Variants in MYBPC1 observed in about 807,000 individuals in gnomAD.
The protein encoded by MYBPC1 is myosin-binding protein C, slow-type.
Under a neutral mutation model 147.1 loss-of-function variants are expected in MYBPC1, and 52 were observed. The observed-to-expected ratio is 0.35, with a 90% confidence interval of 0.28 to 0.45. The LOEUF is 0.45. Among genes scored for constraint, MYBPC1 ranks in the 20% least tolerant of loss-of-function variants. MYBPC1 has a pLI of 1.00. For synonymous variants in MYBPC1, 477 were observed against 475.9 expected (o/e 1.00, Z -0.03); for missense variants, 1,228 against 1,440.3 (o/e 0.85, Z 2.39).
At chr12:101,693,235 C>T in the MYBPC1 span, among the ~76,000 whole-genome samples, 3 of 152,110 alleles carry the variant, frequency 2.0e-5, no homozygotes, top group East Asian at 1.9e-4. Context: ...CGTGAGCCAC[C>T]GCGCCCAGCC....
chr12:101,656,116 G>T (rs1895497496), intron 18 of MYBPC1, among the ~76,000 whole-genome samples: 1 of 152,104 alleles, frequency 6.6e-6, no homozygotes, highest in African/African-American at 2.4e-5. Context: ...TTGTTTGAAA[G>T]TGGAGTTGGG....
intron 1 of MYBPC1, among the ~76,000 whole-genome samples, chr12:101,598,140 A>G (rs555795283): frequency 6.7e-5 from 10 of 149,324 alleles, no homozygotes; most frequent in African/African-American, 2.2e-4. Flanking sequence ...GTGCCTCAGT[A>G]TCTCAAGTAG....
At chr12:101,694,696 G>A in the MYBPC1 span, among the ~76,000 whole-genome samples, 6 of 149,190 alleles carry the variant, frequency 4.0e-5, no homozygotes, top group East Asian at 1.2e-3. Flanking sequence ...ATAAATTCCT[G>A]TTGTTTAAAC....
chr12:101,650,065 T>A (rs1894094357), intron 15 of MYBPC1, among the ~76,000 whole-genome samples: 1 of 152,236 alleles, frequency 6.6e-6, no homozygotes, highest in Non-Finnish European at 1.5e-5. Context: ...TCAGGATCAA[T>A]CCCAATACAT....
intron 1 of MYBPC1, among the ~76,000 whole-genome samples, chr12:101,608,825 A>G (rs1037316045): frequency 3.3e-5 from 5 of 152,204 alleles, no homozygotes; most frequent in African/African-American, 2.4e-5. Context: ...ATGTGTTGAC[A>G]GTAAGAAGAA....
At chr12:101,673,992 G>T (rs1399514996) in intron 25 of MYBPC1, among the ~76,000 whole-genome samples, 1 of 152,156 alleles carries the variant, frequency 6.6e-6, no homozygotes, top group South Asian at 2.1e-4. Flanking sequence ...GGTGGAAGTT[G>T]CAGTGAGCTG....
At chr12:101,653,047 C>T (rs1593918205) in intron 17 of MYBPC1, 68 bp from the exon 18 acceptor site, 3 of 1,569,778 alleles carry the variant, frequency 1.9e-6, no homozygotes, top group Admixed American at 1.7e-5. Flanking sequence ...TCATACTAGC[C>T]AAACATTAGT....
At chr12:101,676,637 G>C (rs1041606521) in intron 26 of MYBPC1, among the ~76,000 whole-genome samples, 3 of 152,078 alleles carry the variant, frequency 2.0e-5, no homozygotes, top group Admixed American at 6.6e-5. Flanking sequence ...TGTAGTCCCA[G>C]TTACTCGGGA....
intron 18 of MYBPC1, among the ~76,000 whole-genome samples, chr12:101,654,059 A>C (rs1895081583): frequency 6.6e-6 from 1 of 152,018 alleles, no homozygotes; most frequent in African/African-American, 2.4e-5. Flanking sequence ...CAAAAAAATT[A>C]GCCAAATATG....
At position 101,661,279 on chromosome 12, in the gene MYBPC1, T is replaced by C. The variant is rs1593967552; in HGVS notation, c.2032+17T>C. 1 of 1,533,516 alleles carries C rather than the reference T, an allele frequency of 6.5e-7. No individual in the cohort carries two copies. Among genetic ancestry groups the C allele is most frequent in the South Asian group, 1.1e-5 (1 of 88,898 alleles). 95.0% of individuals were successfully genotyped at this position (1,533,516 alleles called of 1,614,324 possible). On this transcript the variant is annotated intron_variant, in intron 20 of 31. Transcript: ENST00000361466. Reference sequence around the variant, plus strand: ...CAATCCTAGGTAACTGCATGTTGGTTAGTCTGTGTAACTGCCAGTACAGTT... The same window carrying C: ...CAATCCTAGGTAACTGCATGTTGGTCAGTCTGTGTAACTGCCAGTACAGTT...
intron 18 of MYBPC1, among the ~76,000 whole-genome samples, chr12:101,658,186 T>C (rs867430098): frequency 6.7e-6 from 1 of 149,780 alleles, no homozygotes; most frequent in Admixed American, 6.6e-5. Context: ...AAAAGAATTA[T>C]ACACCAAGAC....
chr12:101,611,983 A>G (rs147751470), intron 1 of MYBPC1, among the ~76,000 whole-genome samples: 36 of 152,000 alleles, frequency 2.4e-4, no homozygotes, highest in African/African-American at 7.7e-4. Context: ...AGGCTGAGGC[A>G]GGAGAATTGC....
At chr12:101,660,421 AAAC>A (rs2136427518) in intron 19 of MYBPC1, 1 of 169,208 alleles carries the variant, frequency 5.9e-6, no homozygotes, top group East Asian at 1.5e-4. Context: ...TTGTAGTTAA[AAAC>A]AACAACCACA....
chr12:101,643,224 G>T (rs528744411), intron 11 of MYBPC1, among the ~76,000 whole-genome samples: 74 of 152,104 alleles, frequency 4.9e-4, no homozygotes, highest in Admixed American at 7.2e-4. Flanking sequence ...TGTTCCAATA[G>T]AATTTAAAGA....
chr12:101,676,762 A>G (rs1467389569), intron 26 of MYBPC1, among the ~76,000 whole-genome samples: 1 of 130,054 alleles, frequency 7.7e-6, no homozygotes, highest in Non-Finnish European at 1.7e-5. Flanking sequence ...AAAAGAAAAA[A>G]AAAATAATAA....
chr12:101,607,352 A>G (rs1486649342), intron 1 of MYBPC1, among the ~76,000 whole-genome samples: 3 of 152,182 alleles, frequency 2.0e-5, no homozygotes, highest in African/African-American at 7.2e-5. Flanking sequence ...ACCACCAAAA[A>G]TGACAGTACA....
At position 101,620,828 on chromosome 12, in the gene MYBPC1, T is replaced by G. The variant is rs1421259226; in HGVS notation, c.103+3585T>G. ...AGCTTAGAGTCTGTATCTTTTCAAT[T>G]GGTAAAGTTACTTCCTTTTTTTATT... On this transcript the variant is annotated intron_variant, in intron 3 of 31. Transcript: ENST00000361466. Among the ~76,000 whole-genome samples, 3 of 152,236 alleles carry G rather than the reference T, an allele frequency of 2.0e-5. No individual in the cohort carries two copies. In the East Asian group the frequency reaches 5.8e-4, roughly 29 times the overall value.
chr12:101,618,367 G>T (rs189742272), intron 3 of MYBPC1, among the ~76,000 whole-genome samples: 2 of 152,168 alleles, frequency 1.3e-5, no homozygotes, highest in African/African-American at 4.8e-5. Context: ...CCACGTGGGC[G>T]CAGTTTGAAG....
intron 3 of MYBPC1, among the ~76,000 whole-genome samples, chr12:101,624,553 T>C (rs1163639733): frequency 6.6e-6 from 1 of 152,108 alleles, no homozygotes; most frequent in Non-Finnish European, 1.5e-5. Context: ...AGTGGCGTGA[T>C]GATGGCTCAC....
Sources: gnomAD v4.1 joint callset for allele counts (sites outside exome capture counted in the v4.1 genomes callset) on GRCh38, gnomAD v4.1.1 for gene constraint, MANE v1.5 for transcripts, NCBI Gene and HGNC (gene_info 2026-07-23, HGNC 2026-07-21) for gene names.